The following TOX variants were observed in gnomAD, a reference collection of about 807,000 sequenced individuals.
The protein encoded by TOX is thymocyte selection associated high mobility group box, also known as thymocyte selection-associated high mobility group box protein TOX.
In TOX, 11 loss-of-function variants were observed where a neutral mutation model predicts 53.7. The ratio of observed to expected loss-of-function variants is 0.20; its 90% CI spans 0.13 to 0.34. TOX has a LOEUF of 0.34. TOX is among the 10% of genes least tolerant of loss of function. TOX has a pLI of 1.00. For missense variants in TOX, 570 were observed against 664.6 expected (o/e 0.86, Z 1.56); for synonymous variants, 225 against 245.3 (o/e 0.92, Z 0.77).
chr8:58,956,882 G>C (rs1285964105), intron 2 of TOX, among the ~76,000 whole-genome samples: 3 of 152,170 alleles, frequency 2.0e-5, no homozygotes, highest in Non-Finnish European at 2.9e-5. Flanking sequence ...CAAAGTGCTG[G>C]GATTACAGGC....
At chr8:58,834,876 A>G (rs764065428) in intron 5 of TOX, among the ~76,000 whole-genome samples, 3 of 152,148 alleles carry the variant, frequency 2.0e-5, no homozygotes, top group Non-Finnish European at 4.4e-5. Flanking sequence ...ATCATCTTTT[A>G]GGTTCACATG....
chr8:59,092,144 C>T (rs534388093), intron 1 of TOX, among the ~76,000 whole-genome samples: 12 of 149,446 alleles, frequency 8.0e-5, no homozygotes, highest in East Asian at 3.9e-4. Flanking sequence ...CCCAGCTACT[C>T]GGGAGGCAGA....
At chr8:58,909,589 T>C (rs1811875193) in intron 3 of TOX, among the ~76,000 whole-genome samples, 1 of 151,982 alleles carries the variant, frequency 6.6e-6, no homozygotes, top group South Asian at 2.1e-4. Context: ...ACATTTTTAA[T>C]AAGATTCCAG....
intron 1 of TOX, among the ~76,000 whole-genome samples, chr8:58,999,066 T>C (rs962482905): frequency 7.9e-5 from 12 of 152,240 alleles, no homozygotes; most frequent in African/African-American, 2.4e-4. Context: ...CAAAAGTAAC[T>C]GAAAGTCCCA....
At chr8:59,053,785 A>G (rs1024009310) in intron 1 of TOX, among the ~76,000 whole-genome samples, 1 of 152,160 alleles carries the variant, frequency 6.6e-6, no homozygotes, top group African/African-American at 2.4e-5. Flanking sequence ...TTTAAAAGGG[A>G]AAAAAAGGAG....
chr8:59,011,335 A>C (rs17301816), intron 1 of TOX, among the ~76,000 whole-genome samples: 2 of 152,178 alleles, frequency 1.3e-5, no homozygotes, highest in South Asian at 2.1e-4. Flanking sequence ...TCTGTGTGGA[A>C]GATCCCTGCC....
At chr8:58,925,924 C>T (rs966138852) in intron 3 of TOX, among the ~76,000 whole-genome samples, 1 of 152,146 alleles carries the variant, frequency 6.6e-6, no homozygotes, top group African/African-American at 2.4e-5. Context: ...AATATGTGCC[C>T]CTTCCCCTTT....
chr8:58,831,820 G>A (rs1810457715), intron 5 of TOX, among the ~76,000 whole-genome samples: 1 of 152,146 alleles, frequency 6.6e-6, no homozygotes, highest in African/African-American at 2.4e-5. Flanking sequence ...GTGTGCTAAG[G>A]ATGAAACTGA....
At chr8:59,063,239 G>T (rs1804021504) in intron 1 of TOX, among the ~76,000 whole-genome samples, 1 of 152,076 alleles carries the variant, frequency 6.6e-6, no homozygotes, top group African/African-American at 2.4e-5. Context: ...CTAATTCAAA[G>T]GAGATTTGCA....
chr8:58,915,846 G>GTT (rs1812009595), intron 3 of TOX, among the ~76,000 whole-genome samples: 1 of 137,710 alleles, frequency 7.3e-6, no homozygotes, highest in Non-Finnish European at 1.6e-5. Flanking sequence ...CCAATACAGA[G>GTT]AAGTGCTTAA....
intron 5 of TOX, among the ~76,000 whole-genome samples, chr8:58,830,305 A>G (rs1810431355): frequency 6.6e-6 from 1 of 152,148 alleles, no homozygotes; most frequent in Non-Finnish European, 1.5e-5. Context: ...ACCATATCCC[A>G]TCTAAGGATT....
Position 58,807,788 on chromosome 8 carries a change from A to G in TOX, c.1545-5T>C. On this transcript the variant is annotated splice_region_variant and splice_polypyrimidine_tract_variant and intron_variant, in intron 8 of 8. Transcript: ENST00000361421. ...GCTTTGTCCCTCTGCATGCCCCTGT[A>G]GGAAGAGAAAAAAGACAGTTCCTTG... 1.2e-6 allele frequency: 2 copies of G among 1,614,080 alleles called. No individual in the cohort carries two copies. The highest frequency in any genetic ancestry group is 1.1e-5 in the South Asian group (1 of 91,086).
At chr8:59,054,537 G>A (rs1364444281) in intron 1 of TOX, among the ~76,000 whole-genome samples, 1 of 151,998 alleles carries the variant, frequency 6.6e-6, no homozygotes, top group Non-Finnish European at 1.5e-5. Flanking sequence ...TTTGGAGTTT[G>A]GTTTTAAAAG....
At chr8:58,942,795 C>A (rs965831595) in intron 2 of TOX, among the ~76,000 whole-genome samples, 2 of 152,154 alleles carry the variant, frequency 1.3e-5, no homozygotes, top group African/African-American at 4.8e-5. Flanking sequence ...TTTCCCTATT[C>A]CCTCCTCACC....
intron 1 of TOX, among the ~76,000 whole-genome samples, chr8:59,026,122 G>GATT (rs113366444): frequency 3.9e-4 from 58 of 150,540 alleles, no homozygotes; most frequent in Non-Finnish European, 7.2e-4. Context: ...TTAATTTTAT[G>GATT]TTTTTTTTTT....
chr8:58,953,975 G>A (rs1490739281), intron 2 of TOX, among the ~76,000 whole-genome samples: 1 of 151,956 alleles, frequency 6.6e-6, no homozygotes, highest in Admixed American at 6.6e-5. Flanking sequence ...TAAACAAATA[G>A]AGAGTCATTA....
chr8:59,045,181 TCTC>T (rs1229924646), intron 1 of TOX, among the ~76,000 whole-genome samples: 2 of 152,224 alleles, frequency 1.3e-5, no homozygotes, highest in Non-Finnish European at 2.9e-5. Context: ...TTCCCATGAT[TCTC>T]CTTTCTTAAT....
At chr8:58,914,810 A>G (rs564197173) in intron 3 of TOX, among the ~76,000 whole-genome samples, 25 of 151,828 alleles carry the variant, frequency 1.6e-4, no homozygotes, top group Admixed American at 1.5e-3. Context: ...CTCACTAGGG[A>G]GTGCCAGACA....
intron 2 of TOX, among the ~76,000 whole-genome samples, chr8:58,944,382 A>G (rs546010957): frequency 1.4e-4 from 22 of 152,368 alleles, no homozygotes; most frequent in Middle Eastern, 6.8e-3. Flanking sequence ...GTTCTATAAT[A>G]GAGAGTCAAT....
Sources: allele counts gnomAD v4.1 joint callset (sites outside exome capture counted in the v4.1 genomes callset), GRCh38; gene constraint gnomAD v4.1.1; transcripts MANE v1.5; gene names NCBI Gene and HGNC (gene_info 2026-07-23, HGNC 2026-07-21).